The following ZNF395 variants were observed in gnomAD, a reference collection of about 807,000 sequenced individuals.
ZNF395 encodes zinc finger protein 395, also known as HD gene regulatory region-binding protein 2.
A neutral mutation model predicts 57.7 loss-of-function variants in ZNF395; 20 were observed. The ratio of observed to expected loss-of-function variants is 0.35; its 90% CI spans 0.24 to 0.50. The LOEUF (loss-of-function observed/expected upper bound fraction) is 0.50, where lower values mean the gene tolerates loss of function less well. Among genes scored for constraint, ZNF395 ranks in the 20% least tolerant of loss-of-function variants. ZNF395 has a pLI of 0.97. For missense variants in ZNF395, 606 were observed against 671.2 expected, an observed-to-expected ratio of 0.90 and a Z score of 1.07; for synonymous variants, 295 against 275.9, an observed-to-expected ratio of 1.07 and a Z score of -0.69.
At position 28,353,302 on chromosome 8, in the gene ZNF395, G is replaced by A. The variant is rs747148637; in HGVS notation, c.690C>T (p.Pro230=). 6.2e-7 allele frequency: 1 copy of A among 1,607,680 alleles called. No individual in the cohort carries two copies. The highest frequency in any genetic ancestry group is 1.1e-5 in the South Asian group (1 of 90,202). ...HWSGSSGVST[P]SPPHPQASPK... Reference sequence around the variant, plus strand: ...GGCTGGCCTGGGGGTGGGGGGGCGAGGGGGTGGAGACACCACTGCTCCCAC... The same window carrying A: ...GGCTGGCCTGGGGGTGGGGGGGCGAAGGGGTGGAGACACCACTGCTCCCAC... The change falls in exon 5 of 10, where the codon CCC becomes CCT. Residue 230 remains proline, a synonymous_variant. Coordinates refer to ENST00000344423, the MANE Select transcript of ZNF395 (RefSeq NM_018660.3).
chr8:28,363,588 T>A (rs1367551984), intron 1 of ZNF395, among the ~76,000 whole-genome samples: 2 of 152,080 alleles, frequency 1.3e-5, no homozygotes, highest in African/African-American at 4.8e-5. Flanking sequence ...GATGGCAGCA[T>A]CAACCCAGAG....
In ZNF395 at chr8:28,359,853, T is replaced by A; in HGVS notation, c.241-29A>T. ...TGGGAAGAGGGACAGCAGTTAGTGG[T>A]CAGCCCTGGATGGGTCTCGCCCTGA... On this transcript the variant is annotated intron_variant, in intron 2 of 9. Transcript: ENST00000344423. This position sits in a 1 kb window ranked among gnomAD's most constrained non-coding sequence, Gnocchi z 4.7. The A allele has an allele frequency of 6.2e-7, 1 of 1,607,400 alleles. No individual in the cohort carries two copies. Among genetic ancestry groups the A allele is most frequent in the Non-Finnish European group, 8.5e-7 (1 of 1,175,294 alleles).
chr8:28,361,039 G>A lies in ZNF395; in HGVS notation c.86C>T (p.Ser29Leu), dbSNP rs754322528. Reference sequence around the variant, plus strand: ...CAGTGGCTCCGAGGGTGGGGCAGCCGAGGGCCCCTCCGAGGCACTGGGTCC... The same window carrying A: ...CAGTGGCTCCGAGGGTGGGGCAGCCAAGGGCCCCTCCGAGGCACTGGGTCC... ...VLGPSASEGP[S>L]AAPPSEPLLE... The change falls in exon 2 of 10, where the codon TCG becomes TTG. Residue 29 changes from serine to leucine, a missense_variant. Physicochemically the swap from Ser to Leu is moderately radical, Grantham distance 145. Around this residue, in one of 3 missense-constraint regions of ZNF395, gnomAD observed 309 missense variants for 374.7 expected, o/e 0.82. Transcript: ENST00000344423. The A allele has an allele frequency of 9.9e-6, 16 of 1,609,698 alleles. No individual in the cohort carries two copies. In the African/African-American group the frequency reaches 1.3e-4, roughly 13 times the overall value.
rs141928671 is a variant in ZNF395, at chr8:28,373,777, G to C, written c.-58-12595C>G. 4.7e-4 allele frequency among the ~76,000 whole-genome samples: 71 copies of C among 152,218 alleles called. 2 individuals are homozygous for C. The East Asian group carries it at 8.5e-3, about 18-fold the overall frequency. ...CCCACAAACCAGCAATGGTATGTGCGACCTGTGAGGCCGGTGAGCATCCAC... is the reference window on the plus strand; with the variant it reads ...CCCACAAACCAGCAATGGTATGTGCCACCTGTGAGGCCGGTGAGCATCCAC... On this transcript the variant is annotated intron_variant, in intron 1 of 9. Coordinates refer to ENST00000344423, the MANE Select transcript of ZNF395 (RefSeq NM_018660.3).
rs1563338953 is a variant in ZNF395 at position 28,361,006 on chromosome 8, C to T, written c.119G>A (p.Gly40Glu). 6.2e-7 allele frequency: 1 copy of T among 1,611,214 alleles called. No individual in the cohort carries two copies. Among genetic ancestry groups the T allele is most frequent in the East Asian group, 2.2e-5 (1 of 44,854 alleles). The stretch of plus-strand genomic sequence containing the variant: ...GGTGGTGAAAGGCTGGGGAGCGGCC[C>T]CTTCTAGCAGTGGCTCCGAGGGTGG... ...AAPPSEPLLE[G>E]AAPQPFTTSD... is the part of the protein sequence containing the mutation. The change falls in exon 2 of 10, where the codon GGG (glycine) becomes GAG (glutamate). Residue 40 changes from glycine (G) to glutamate (E), a missense_variant. By Grantham distance (98) the Gly-to-Glu change is moderately conservative. Coordinates refer to ENST00000344423, the MANE Select transcript of ZNF395 (RefSeq NM_018660.3).
At chr8:28,360,505 G>A (rs1163132480) in intron 2 of ZNF395, among the ~76,000 whole-genome samples, 1 of 152,218 alleles carries the variant, frequency 6.6e-6, no homozygotes, top group Non-Finnish European at 1.5e-5. Context: ...GTGTCTAAAG[G>A]GAATTCAAAG....
rs1461853410 is a variant in ZNF395 at position 28,346,980 on chromosome 8, C to T, written c.*1739G>A. On this transcript the variant is annotated 3_prime_UTR_variant, in exon 10 of 10. Transcript: ENST00000344423. ...TTACTAAGTTATAAAAAAAAAAACCCCATCACCAAAGACACCTGTGCACAA... is the reference window on the plus strand; with the variant it reads ...TTACTAAGTTATAAAAAAAAAAACCTCATCACCAAAGACACCTGTGCACAA... The T allele has an allele frequency of 6.6e-6, 1 of 151,790 alleles. No individual in the cohort carries two copies. Among genetic ancestry groups the T allele is most frequent in the East Asian group, 1.9e-4 (1 of 5,192 alleles). 9.4% of individuals were successfully genotyped at this position (151,790 alleles called of 1,614,324 possible). A position where few individuals can be genotyped will look rare whatever the true frequency, so the allele number is the denominator to read the frequency against.
At chr8:28,377,220 ATAAG>A (rs958968595) in intron 1 of ZNF395, among the ~76,000 whole-genome samples, 1 of 152,234 alleles carries the variant, frequency 6.6e-6, no homozygotes, top group Non-Finnish European at 1.5e-5. Flanking sequence ...TATGTAAGCT[ATAAG>A]TAATACATAT....
Position 28,351,793 on chromosome 8 carries a change from G to A in ZNF395, c.935C>T (p.Ser312Phe), listed in dbSNP as rs142975843. Residue 312 changes from serine (S) to phenylalanine (F), a missense_variant, in exon 7 of 10, where the codon TCT becomes TTT. By Grantham distance (155) the Ser-to-Phe change is radical. This residue lies in a region of ZNF395 where 261 missense variants were observed against 240.3 expected (regional missense o/e 1.09). Coordinates refer to ENST00000344423, the MANE Select transcript of ZNF395 (RefSeq NM_018660.3). ...KALHLGDTVDSDQFKREEDFY... is the reference protein window; with the variant it reads ...KALHLGDTVDFDQFKREEDFY... ...ATCCTCCTCCCGCTTGAACTGATCA[G>A]AGTCCACTGTGTCCCTGTGTGGGAG... 62 of 1,557,586 alleles carry A rather than the reference G, an allele frequency of 4.0e-5. No individual in the cohort carries two copies. The highest frequency in any genetic ancestry group is 3.4e-4 in the Middle Eastern group (2 of 5,866).
At chr8:28,373,867 G>C (rs1802006607) in intron 1 of ZNF395, among the ~76,000 whole-genome samples, 1 of 152,134 alleles carries the variant, frequency 6.6e-6, no homozygotes, top group South Asian at 2.1e-4. Flanking sequence ...GCACAGGGCA[G>C]GCATCCCCCG....
At chr8:28,383,655 A>C (rs1802137089) in intron 1 of ZNF395, among the ~76,000 whole-genome samples, 1 of 152,076 alleles carries the variant, frequency 6.6e-6, no homozygotes, top group Non-Finnish European at 1.5e-5. Flanking sequence ...CAGCAGAGGG[A>C]AACAGAAGCC....
At chr8:28,384,715 T>C (rs1391290031) in intron 1 of ZNF395, among the ~76,000 whole-genome samples, 1 of 152,204 alleles carries the variant, frequency 6.6e-6, no homozygotes, top group Non-Finnish European at 1.5e-5. Flanking sequence ...ACAGGCATAA[T>C]TTACTTCAAA....
chr8:28,383,264 G>A (rs1802131690), intron 1 of ZNF395, among the ~76,000 whole-genome samples: 1 of 152,074 alleles, frequency 6.6e-6, no homozygotes, highest in African/African-American at 2.4e-5. Flanking sequence ...TTGAGGCTTG[G>A]GGAATTTGTT....
Position 28,356,373 on chromosome 8 carries a change from A to G in ZNF395, c.583+297T>C, listed in dbSNP as rs111683149. ...ATTGGCCTCATTCAGACCCCACCAA[A>G]GTGCTGGGCTCAGCCACTCCCATTG... On this transcript the variant is annotated intron_variant, in intron 4 of 9. Coordinates refer to ENST00000344423, the MANE Select transcript of ZNF395 (RefSeq NM_018660.3). The surrounding 1 kb of genome is among the most constrained non-coding windows in gnomAD (Gnocchi z 4.0). 2.2e-3 allele frequency among the ~76,000 whole-genome samples: 342 copies of G among 152,322 alleles called. No individual in the cohort carries two copies. Among genetic ancestry groups the G allele is most frequent in the Non-Finnish European group, 3.8e-3 (257 of 68,040 alleles).
intron 1 of ZNF395, among the ~76,000 whole-genome samples, chr8:28,379,580 A>G (rs1054015143): frequency 5.9e-5 from 9 of 152,178 alleles, no homozygotes; most frequent in African/African-American, 2.2e-4. Flanking sequence ...TGAACAACAG[A>G]AAAATCCCAA....
In ZNF395 at chr8:28,359,172, G is replaced by A. The variant is rs778047927; in HGVS notation, c.473+420C>T. ...AGCACGTTGGGAGGCCAAGGCAGGTGGATCACCAGAGGTCGGGAGTTTGAG... is the reference window on the plus strand; with the variant it reads ...AGCACGTTGGGAGGCCAAGGCAGGTAGATCACCAGAGGTCGGGAGTTTGAG... On this transcript the variant is annotated intron_variant, in intron 3 of 9. Coordinates refer to ENST00000344423, the MANE Select transcript of ZNF395 (RefSeq NM_018660.3). The surrounding 1 kb of genome is among the most constrained non-coding windows in gnomAD (Gnocchi z 4.7). 2.6e-5 allele frequency among the ~76,000 whole-genome samples: 4 copies of A among 152,182 alleles called. No individual in the cohort carries two copies. The highest frequency in any genetic ancestry group is 4.4e-5 in the Non-Finnish European group (3 of 68,040).
At position 28,348,407 on chromosome 8, in the gene ZNF395, C is replaced by T. The variant is rs1007838416; in HGVS notation, c.*312G>A. On this transcript the variant is annotated 3_prime_UTR_variant, in exon 10 of 10. Transcript: ENST00000344423. ...TTCTTTTGACACGCACAAGCTAATC[C>T]CCTAGAGAGTGGGGATGTGGGAAAC... is the stretch of plus-strand genomic sequence containing the variant. 2.7e-6 allele frequency: 1 copy of T among 365,578 alleles called. No individual in the cohort carries two copies. Among genetic ancestry groups the T allele is most frequent in the Non-Finnish European group, 5.2e-6 (1 of 191,136 alleles). 22.6% of individuals were successfully genotyped at this position (365,578 alleles called of 1,614,324 possible).
intron 1 of ZNF395, among the ~76,000 whole-genome samples, chr8:28,367,172 C>A (rs1440919291): frequency 6.6e-6 from 1 of 152,162 alleles, no homozygotes; most frequent in Non-Finnish European, 1.5e-5. Flanking sequence ...TACACTGCAT[C>A]AGTGTAGAAT....
intron 1 of ZNF395, among the ~76,000 whole-genome samples, chr8:28,381,360 T>C (rs1000097506): frequency 2.6e-5 from 4 of 152,030 alleles, no homozygotes; most frequent in Admixed American, 1.3e-4. Context: ...TTTTTTATCT[T>C]TTGTAGAGAC....
Sources: gnomAD v4.1 joint callset for allele counts (sites outside exome capture counted in the v4.1 genomes callset) on GRCh38, gnomAD v4.1.1 for gene constraint, gnomAD v4.1.1 regional missense constraint, Gnocchi (gnomAD v3.1) non-coding constraint, MANE v1.5 for transcripts, NCBI Gene and HGNC (gene_info 2026-07-23, HGNC 2026-07-21) for gene names.